Variants in HDAC9 observed in about 807,000 individuals in gnomAD.
HDAC9 encodes the protein MEF-2 interacting transcription repressor (MITR) protein.
Under a neutral mutation model 139.4 loss-of-function variants are expected in HDAC9, and 41 were observed. That is an observed-to-expected ratio of 0.29 (90% CI 0.23 to 0.38). HDAC9 has a LOEUF of 0.38. Among genes scored for constraint, HDAC9 ranks in the 10% least tolerant of loss-of-function variants. HDAC9 has a pLI of 1.00. For missense variants in HDAC9, 1,147 were observed against 1,297.0 expected, an observed-to-expected ratio of 0.88 and a Z score of 1.78; for synonymous variants, 517 against 476.2, an observed-to-expected ratio of 1.09 and a Z score of -1.12.
chr7:18,919,057 C>T (rs1218169715), intron 22 of HDAC9, among the ~76,000 whole-genome samples: 1 of 151,926 alleles, frequency 6.6e-6, no homozygotes, highest in Non-Finnish European at 1.5e-5. Flanking sequence ...GCAATAAATA[C>T]TTGAGTTAAT....
chr7:18,207,330 A>G (rs989577345), intron 2 of HDAC9, among the ~76,000 whole-genome samples: 1 of 152,096 alleles, frequency 6.6e-6, no homozygotes, highest in Non-Finnish European at 1.5e-5. Context: ...AAGTATAAAT[A>G]AGAAGAAAGT....
chr7:18,176,708 G>GCCC (rs1788935769), intron 2 of HDAC9, among the ~76,000 whole-genome samples: 1 of 152,096 alleles, frequency 6.6e-6, no homozygotes, highest in Non-Finnish European at 1.5e-5. Flanking sequence ...CAGGTAAACT[G>GCCC]TGTGTCACAG....
intron 25 of HDAC9, among the ~76,000 whole-genome samples, chr7:18,982,066 A>G: frequency 6.6e-6 from 1 of 152,142 alleles, no homozygotes; most frequent in East Asian, 1.9e-4. Context: ...ATAGGACAAA[A>G]GGCATTCAAG....
At chr7:18,967,661 G>C (rs927273027) in intron 24 of HDAC9, among the ~76,000 whole-genome samples, 1 of 152,058 alleles carries the variant, frequency 6.6e-6, no homozygotes, top group Admixed American at 6.6e-5. Flanking sequence ...TTAGCATTAC[G>C]TATGGAGCAC....
chr7:18,826,152 G>A (rs1218829894), intron 17 of HDAC9, among the ~76,000 whole-genome samples: 1 of 152,106 alleles, frequency 6.6e-6, no homozygotes, highest in African/African-American at 2.4e-5. Context: ...TCAGAGTCAG[G>A]CATCTTACTG....
intron 12 of HDAC9, among the ~76,000 whole-genome samples, chr7:18,706,817 G>T (rs990875478): frequency 2.0e-5 from 3 of 152,206 alleles, no homozygotes; most frequent in African/African-American, 7.2e-5. Flanking sequence ...AGCTTGGGAA[G>T]AGGAGGATAA....
intron 21 of HDAC9, among the ~76,000 whole-genome samples, chr7:18,852,308 A>C (rs1473456418): frequency 6.6e-6 from 1 of 152,212 alleles, no homozygotes; most frequent in African/African-American, 2.4e-5. Flanking sequence ...GATAAGGGAA[A>C]GGACTCTTAA....
intron 2 of HDAC9, among the ~76,000 whole-genome samples, chr7:18,501,666 A>G (rs1798403863): frequency 6.6e-6 from 1 of 152,126 alleles, no homozygotes. Context: ...GAATTCATAT[A>G]AAGATAGGAA....
At chr7:18,195,589 T>G (rs1790667937) in intron 2 of HDAC9, among the ~76,000 whole-genome samples, 1 of 152,144 alleles carries the variant, frequency 6.6e-6, no homozygotes, top group African/African-American at 2.4e-5. Flanking sequence ...TCACCTATAC[T>G]CTAGGGGGTT....
At chr7:18,516,542 G>A (rs577473278) in intron 2 of HDAC9, among the ~76,000 whole-genome samples, 7 of 152,246 alleles carry the variant, frequency 4.6e-5, no homozygotes, top group African/African-American at 1.7e-4. Flanking sequence ...ATGTTCTGAT[G>A]TGTGTCAAAT....
At chr7:18,276,000 G>T (rs76370838) in intron 2 of HDAC9, among the ~76,000 whole-genome samples, 1 of 151,920 alleles carries the variant, frequency 6.6e-6, no homozygotes, top group Non-Finnish European at 1.5e-5. Flanking sequence ...GTAGACTCTC[G>T]GTAAACATAT....
chr7:18,668,447 T>A, intron 12 of HDAC9: 2 of 962,564 alleles, frequency 2.1e-6, no homozygotes, highest in Non-Finnish European at 2.5e-6. Context: ...ATAGTGCATC[T>A]TTTAAAATAC....
intron 1 of HDAC9, among the ~76,000 whole-genome samples, chr7:18,405,373 A>G (rs899307638): frequency 6.6e-6 from 1 of 152,128 alleles, no homozygotes; most frequent in Non-Finnish European, 1.5e-5. Flanking sequence ...TTCCTGTTCT[A>G]GATTGCTTTT....
intron 11 of HDAC9, among the ~76,000 whole-genome samples, chr7:18,654,367 C>A (rs1790372244): frequency 6.6e-6 from 1 of 152,106 alleles, no homozygotes; most frequent in Non-Finnish European, 1.5e-5. Context: ...TCCATAGATA[C>A]CTTAGGGTAG....
At chr7:18,383,174 C>G (rs1285124950) in intron 1 of HDAC9, among the ~76,000 whole-genome samples, 1 of 151,860 alleles carries the variant, frequency 6.6e-6, no homozygotes, top group Non-Finnish European at 1.5e-5. Flanking sequence ...ATAAAGTCAC[C>G]CAGCCTACAA....
intron 22 of HDAC9, among the ~76,000 whole-genome samples, chr7:18,905,574 T>C (rs1802159299): frequency 6.6e-6 from 1 of 151,620 alleles, no homozygotes; most frequent in South Asian, 2.1e-4. Flanking sequence ...ATTTTTACAT[T>C]GCATAATATC....
intron 1 of HDAC9, among the ~76,000 whole-genome samples, chr7:18,368,829 C>T (rs1321814323): frequency 3.9e-5 from 6 of 151,918 alleles, no homozygotes; most frequent in Admixed American, 3.9e-4. Context: ...TGTGGTGCCC[C>T]TGAGAAGGAA....
intron 2 of HDAC9, among the ~76,000 whole-genome samples, chr7:18,197,230 A>G (rs1341881944): frequency 6.6e-6 from 1 of 152,102 alleles, no homozygotes; most frequent in Non-Finnish European, 1.5e-5. Context: ...ATTCCTTATA[A>G]TCAGTCTCCC....
intron 6 of HDAC9, among the ~76,000 whole-genome samples, chr7:18,594,705 A>G (rs781416072): frequency 3.3e-5 from 5 of 152,078 alleles, no homozygotes; most frequent in Admixed American, 1.3e-4. Context: ...ATATGTATAT[A>G]TTTAATGTCT....
Sources: gnomAD v4.1 joint callset for allele counts (sites outside exome capture counted in the v4.1 genomes callset) on GRCh38, gnomAD v4.1.1 for gene constraint, MANE v1.5 for transcripts, NCBI Gene and HGNC (gene_info 2026-07-23, HGNC 2026-07-21) for gene names.